The following ANKS1A variants were observed in gnomAD, a reference collection of about 807,000 sequenced individuals.
ANKS1A encodes the protein ankyrin repeat and sterile alpha motif domain containing 1A, also known as ankyrin repeat and SAM domain-containing protein 1A.
Under a neutral mutation model 120.3 loss-of-function variants are expected in ANKS1A, and 55 were observed. That is an observed-to-expected ratio of 0.46 (90% CI 0.37 to 0.57). The LOEUF is 0.57. Among genes scored for constraint, ANKS1A ranks in the 20% least tolerant of loss-of-function variants. ANKS1A has a pLI of 0.00. For missense variants in ANKS1A, 1,123 were observed against 1,480.3 expected (o/e 0.76, Z 3.96); for synonymous variants, 590 against 604.7 (o/e 0.98, Z 0.36).
At chr6:35,094,024 C>T (rs538025149), downstream of ANKS1A, among the ~76,000 whole-genome samples, 39 of 152,298 alleles carry the variant, frequency 2.6e-4, no homozygotes, top group Admixed American at 5.9e-4. Flanking sequence ...GGGAGTGCCA[C>T]GGCACCCCAG....
Position 35,089,781 on chromosome 6 carries a change from A to C in ANKS1A, c.*1172A>C, listed in dbSNP as rs2127620184. On this transcript the variant is annotated 3_prime_UTR_variant, in exon 24 of 24. Coordinates refer to ENST00000360359, the MANE Select transcript of ANKS1A (RefSeq NM_015245.3). ...GGTTGCATTCTTCCCTCTGGACTAG[A>C]GTAGAAATGCAGGGGAAACTGCTGT... is the stretch of plus-strand genomic sequence containing the variant. 1 of 1,021,826 alleles carries C rather than the reference A, an allele frequency of 9.8e-7. No individual in the cohort carries two copies. The highest frequency in any genetic ancestry group is 1.7e-5 in the African/African-American group (1 of 58,242). 63.3% of individuals were successfully genotyped at this position (1,021,826 alleles called of 1,614,324 possible).
intron 11 of ANKS1A, among the ~76,000 whole-genome samples, chr6:35,048,258 C>T (rs144024171): frequency 4.9e-4 from 74 of 152,240 alleles, no homozygotes; most frequent in African/African-American, 1.7e-3. Context: ...AAGAAGGTGA[C>T]GATGTAAAGG....
At chr6:34,931,303 C>T (rs1205715963) in intron 1 of ANKS1A, among the ~76,000 whole-genome samples, 9 of 152,054 alleles carry the variant, frequency 5.9e-5, no homozygotes, top group Non-Finnish European at 8.8e-5. Context: ...CTCACCACCA[C>T]ACCTGGCTAA....
In ANKS1A at chr6:35,087,033, C is replaced by G; in HGVS notation, c.3385C>G (p.Arg1129Gly). The G allele has an allele frequency of 6.2e-7, 1 of 1,614,144 alleles. No homozygotes were observed. Among genetic ancestry groups the G allele is most frequent in the Non-Finnish European group, 8.5e-7 (1 of 1,179,978 alleles). ...TGTGGACCCCAAACCAGACTCTAAG[C>G]GGAGCCTCAGCACCAAGTATGAGAC... The part of the protein sequence containing the change: ...WVVDPKPDSK[R>G]SLSTN Residue 1129 changes from arginine (R) to glycine (G), a missense_variant, in exon 23 of 24, where the codon CGG becomes GGG. Around this residue, in one of 3 missense-constraint regions of ANKS1A, gnomAD observed 904 missense variants for 1,130.4 expected, o/e 0.80. Coordinates refer to ENST00000360359, the MANE Select transcript of ANKS1A (RefSeq NM_015245.3).
intron 11 of ANKS1A, among the ~76,000 whole-genome samples, chr6:35,031,163 T>C (rs899129175): frequency 7.9e-5 from 12 of 152,114 alleles, no homozygotes; most frequent in African/African-American, 2.2e-4. Flanking sequence ...TGGAGGTGTT[T>C]GTTGCCTTTT....
intron 1 of ANKS1A, among the ~76,000 whole-genome samples, chr6:34,959,345 T>TG (rs1228860468): frequency 1.3e-5 from 2 of 152,240 alleles, no homozygotes; most frequent in Non-Finnish European, 2.9e-5. Context: ...GGTTCAGGGT[T>TG]GGCAAGAATC....
At chr6:34,905,490 G>A (rs1375593099) in intron 1 of ANKS1A, among the ~76,000 whole-genome samples, 1 of 151,020 alleles carries the variant, frequency 6.6e-6, no homozygotes, top group African/African-American at 2.5e-5. Context: ...TTCACTTCTT[G>A]AGCACTTAAT....
chr6:35,047,894 A>G (rs1253160947), intron 11 of ANKS1A, among the ~76,000 whole-genome samples: 1 of 152,188 alleles, frequency 6.6e-6, no homozygotes, highest in Non-Finnish European at 1.5e-5. Context: ...TGTCATGTCC[A>G]TGTATTTCCT....
Position 35,089,162 on chromosome 6 carries a change from C to T in ANKS1A, c.*553C>T. The T allele has an allele frequency of 1.0e-6, 1 of 1,003,490 alleles. No homozygotes were observed. 62.2% of individuals were successfully genotyped at this position (1,003,490 alleles called of 1,614,324 possible). A position where few individuals can be genotyped will look rare whatever the true frequency, so the allele number is the denominator to read the frequency against. On this transcript the variant is annotated 3_prime_UTR_variant, in exon 24 of 24. Coordinates refer to ENST00000360359, the MANE Select transcript of ANKS1A (RefSeq NM_015245.3). The stretch of plus-strand genomic sequence containing the variant: ...TTTTCAAACCCAACCATATCAGCTG[C>T]TGCTCTTTATGAACTGCCCAACTTC...
chr6:35,091,705 C>G (rs1324937191), downstream of ANKS1A, among the ~76,000 whole-genome samples: 1 of 152,228 alleles, frequency 6.6e-6, no homozygotes, highest in Non-Finnish European at 1.5e-5. Flanking sequence ...ATCTCTTCTG[C>G]CTCTTGGTCT....
intron 1 of ANKS1A, among the ~76,000 whole-genome samples, chr6:34,959,900 G>A (rs1364488060): frequency 6.6e-6 from 1 of 152,308 alleles, no homozygotes; most frequent in East Asian, 1.9e-4. Context: ...TTTAGAGCCT[G>A]TGCCTCCCCT....
intron 13 of ANKS1A, among the ~76,000 whole-genome samples, chr6:35,075,941 G>A (rs1247670680): frequency 6.6e-6 from 1 of 152,036 alleles, no homozygotes; most frequent in East Asian, 1.9e-4. Context: ...TTTTATTTTT[G>A]TAAAAACAGA....
intron 1 of ANKS1A, among the ~76,000 whole-genome samples, chr6:34,935,400 T>C (rs1169832168): frequency 6.6e-6 from 1 of 152,244 alleles, no homozygotes; most frequent in Non-Finnish European, 1.5e-5. Context: ...TTACATTTTT[T>C]AATGCCCGTC....
intron 8 of ANKS1A, among the ~76,000 whole-genome samples, chr6:34,986,681 G>A (rs149086751): frequency 8.6e-4 from 131 of 152,270 alleles, no homozygotes; most frequent in Middle Eastern, 3.4e-3. Flanking sequence ...GCCCTGCTAT[G>A]CCCTGAAACA....
chr6:35,007,870 G>A lies in ANKS1A; in HGVS notation c.1424-9603G>A, dbSNP rs756633642. 9.9e-5 allele frequency among the ~76,000 whole-genome samples: 15 copies of A among 152,220 alleles called. 2 individuals are homozygous for A. The highest frequency in any genetic ancestry group is 8.3e-4 in the South Asian group (4 of 4,826). On this transcript the variant is annotated intron_variant, in intron 10 of 23. Transcript: ENST00000360359. ...AAGACCTTAATCCTTCCAAAGGGGA[G>A]GAAACGGTTTTTAGCTTCTACCTCT...
In ANKS1A at chr6:35,090,968, G is replaced by GGGA. The variant is rs2127621427; in HGVS notation, c.*2361_*2363dup. ...GGGCCCTCCAGCGTCAGACACTAAT[G>GGGA]GGAGTTCCCGAGATGCTCGGGTTTG... On this transcript the variant is annotated 3_prime_UTR_variant, in exon 24 of 24. Transcript: ENST00000360359. The GGGA allele has an allele frequency of 2.0e-6, 2 of 985,858 alleles. No homozygotes were observed. Among genetic ancestry groups the GGGA allele is most frequent in the East Asian group, 2.3e-4 (2 of 8,814 alleles). The allele number at this position is 985,858 out of a possible 1,614,324, so 61.1% of individuals were successfully genotyped here.
At chr6:35,062,349 G>A (rs1436067244) in intron 13 of ANKS1A, among the ~76,000 whole-genome samples, 2 of 152,250 alleles carry the variant, frequency 1.3e-5, no homozygotes, top group African/African-American at 4.8e-5. Flanking sequence ...GGGCTGTCAG[G>A]CAAATTATGT....
intron 2 of ANKS1A, 76 bp from the exon 3 acceptor site, chr6:34,969,934 C>A: frequency 1.3e-6 from 2 of 1,523,728 alleles, no homozygotes; most frequent in Non-Finnish European, 1.8e-6. Context: ...GGGCTTTGTG[C>A]CATATAGGTG....
intron 1 of ANKS1A, among the ~76,000 whole-genome samples, chr6:34,915,611 G>A (rs1768118945): frequency 6.6e-6 from 1 of 151,974 alleles, no homozygotes; most frequent in South Asian, 2.1e-4. Flanking sequence ...CCTCCCAAAG[G>A]GCAGGGATTA....
Sources: gnomAD v4.1 joint callset for allele counts (sites outside exome capture counted in the v4.1 genomes callset) on GRCh38, gnomAD v4.1.1 for gene constraint, gnomAD v4.1.1 regional missense constraint, MANE v1.5 for transcripts, NCBI Gene and HGNC (gene_info 2026-07-23, HGNC 2026-07-21) for gene names.